Variants in SUGCT observed in about 807,000 individuals in gnomAD.
The protein encoded by SUGCT is succinyl-CoA:glutarate CoA-transferase.
Under a neutral mutation model 55.0 loss-of-function variants are expected in SUGCT, and 41 were observed. The ratio of observed to expected loss-of-function variants is 0.74; its 90% confidence interval spans 0.58 to 0.97. SUGCT has a LOEUF of 0.97. Ranked by LOEUF, SUGCT falls within the 50% of genes least tolerant of loss-of-function variation. The pLI, the probability that SUGCT is intolerant of heterozygous loss-of-function variation, is 0.00. For synonymous variants in SUGCT, 187 were observed against 200.4 expected, an observed-to-expected ratio of 0.93 and a Z score of 0.56; for missense variants, 568 against 547.8, an observed-to-expected ratio of 1.04 and a Z score of -0.37.
chr7:40,908,385 A>AG, the SUGCT span, among the ~76,000 whole-genome samples: 1 of 150,164 alleles, frequency 6.7e-6, no homozygotes, highest in East Asian at 1.9e-4. Context: ...TCTGTCTCAA[A>AG]AAAAAAAAAA....
At chr7:40,496,208 A>AT in intron 11 of SUGCT, 76 bp from the exon 12 acceptor site, 2 of 880,436 alleles carry the variant, frequency 2.3e-6, no homozygotes, top group Non-Finnish European at 3.6e-6. Context: ...CTTGCTTTCA[A>AT]AGAGGGCCAC....
chr7:40,370,232 C>T lies in SUGCT; in HGVS notation c.816+53377C>T, dbSNP rs546112532. ...TCCTCTCAGCTTAATTAGTAAAGAA[C>T]GCCTAGAAAAGATAGGCAAAAAAGA... On this transcript the variant is annotated intron_variant, in intron 9 of 13. Coordinates refer to ENST00000335693, the MANE Select transcript of SUGCT (RefSeq NM_001193313.2). Among the ~76,000 whole-genome samples, 16 of 152,130 alleles carry T rather than the reference C, an allele frequency of 1.1e-4. No individual in the cohort carries two copies. In the South Asian group the frequency reaches 1.5e-3, roughly 14 times the overall value.
rs548757111 is a variant in SUGCT, at chr7:40,657,752, T to A, written c.1090-91682T>A. On this transcript the variant is annotated intron_variant, in intron 12 of 13. Transcript: ENST00000335693. Reference sequence around the variant, plus strand: ...GGTTTCGCCATGTTGGCCACGCTGATCTTGATCTCCTGACCTCGTGATTCA... The same window carrying A: ...GGTTTCGCCATGTTGGCCACGCTGAACTTGATCTCCTGACCTCGTGATTCA... Among the ~76,000 whole-genome samples the A allele has an allele frequency of 2.0e-5, 3 of 152,348 alleles. No homozygotes were observed. The East Asian group carries it at 5.8e-4, about 29-fold the overall frequency.
chr7:40,700,925 C>G (rs1785147175), intron 12 of SUGCT, among the ~76,000 whole-genome samples: 1 of 152,190 alleles, frequency 6.6e-6, no homozygotes, highest in South Asian at 2.1e-4. Flanking sequence ...AACCTCCCCT[C>G]TCTTGTAAGT....
intron 9 of SUGCT, among the ~76,000 whole-genome samples, chr7:40,420,698 T>C (rs768317345): frequency 1.1e-4 from 16 of 152,084 alleles, no homozygotes; most frequent in Non-Finnish European, 2.1e-4. Flanking sequence ...TTCTGGCTCT[T>C]TGTGCTGCTG....
At chr7:40,175,067 G>A (rs1343777956) in intron 1 of SUGCT, among the ~76,000 whole-genome samples, 1 of 152,094 alleles carries the variant, frequency 6.6e-6, no homozygotes, top group Non-Finnish European at 1.5e-5. Context: ...GGTTGCTCAT[G>A]TTCTTTTCCC....
At chr7:40,675,187 A>G (rs1025956965) in intron 12 of SUGCT, among the ~76,000 whole-genome samples, 2 of 151,836 alleles carry the variant, frequency 1.3e-5, no homozygotes, top group African/African-American at 2.4e-5. Context: ...CAGCTCCCCA[A>G]GTAGCTGGGA....
chr7:40,450,145 C>T lies in SUGCT; in HGVS notation c.888+787C>T, dbSNP rs190314280. On this transcript the variant is annotated intron_variant, in intron 10 of 13. Coordinates refer to ENST00000335693, the MANE Select transcript of SUGCT (RefSeq NM_001193313.2). ...GTTTCACTATGCTGGCCAGGGTGGT[C>T]TCGAACTCCTGACCTCAAGCGACCT... 4.7e-3 allele frequency among the ~76,000 whole-genome samples: 713 copies of T among 151,722 alleles called. 3 individuals carry two copies. The highest frequency in any genetic ancestry group is 7.1e-3 in the Non-Finnish European group (483 of 67,932).
At chr7:40,996,983 G>T in the SUGCT span, among the ~76,000 whole-genome samples, 5 of 152,182 alleles carry the variant, frequency 3.3e-5, no homozygotes, top group Non-Finnish European at 7.3e-5. Flanking sequence ...AAGGAGACAG[G>T]CATGATCTTT....
In SUGCT at chr7:40,558,300, T is replaced by G. The variant is rs973870574; in HGVS notation, c.1089+61914T>G. Among the ~76,000 whole-genome samples, 3 of 152,264 alleles carry G rather than the reference T, an allele frequency of 2.0e-5. No homozygotes were observed. The East Asian group carries it at 5.8e-4, about 29-fold the overall frequency. ...TCCCAGAAGAATTGACAGCAGGGAC[T>G]CAGATACTTGTATACCAGTGATCAT... On this transcript the variant is annotated intron_variant, in intron 12 of 13. Transcript: ENST00000335693.
At chr7:40,932,876 C>G in the SUGCT span, among the ~76,000 whole-genome samples, 2 of 151,528 alleles carry the variant, frequency 1.3e-5, no homozygotes, top group Admixed American at 6.6e-5. Context: ...TGGGTTTTGA[C>G]TCTTTATCAA....
At chr7:40,298,217 C>G (rs1428942726) in intron 8 of SUGCT, among the ~76,000 whole-genome samples, 2 of 151,404 alleles carry the variant, frequency 1.3e-5, no homozygotes, top group Non-Finnish European at 2.9e-5. Flanking sequence ...GATCAGTCAC[C>G]ATGCTAAAGT....
chr7:40,901,439 T>C, the SUGCT span, among the ~76,000 whole-genome samples: 18 of 152,224 alleles, frequency 1.2e-4, no homozygotes, highest in Non-Finnish European at 2.9e-5. Flanking sequence ...TTTAATCTTA[T>C]GAGTCTTCAC....
At chr7:40,764,414 T>C (rs971798889) in intron 13 of SUGCT, among the ~76,000 whole-genome samples, 2 of 152,198 alleles carry the variant, frequency 1.3e-5, no homozygotes, top group African/African-American at 4.8e-5. Flanking sequence ...TTTACATTCA[T>C]GGGACACATT....
In SUGCT at chr7:40,822,631, A is replaced by C. The variant is rs1050566615; in HGVS notation, c.1154-37685A>C. On this transcript the variant is annotated intron_variant, in intron 13 of 13. Coordinates refer to ENST00000335693, the MANE Select transcript of SUGCT (RefSeq NM_001193313.2). Reference sequence around the variant, plus strand: ...TATTGTAATAGGAAAGAGAAATTGCATATGTAGGGGAGAAAATGATTGATA... The same window carrying C: ...TATTGTAATAGGAAAGAGAAATTGCCTATGTAGGGGAGAAAATGATTGATA... Among the ~76,000 whole-genome samples the C allele has an allele frequency of 2.0e-5, 3 of 152,258 alleles. 1 individual carries two copies. Among genetic ancestry groups the C allele is most frequent in the Admixed American group, 1.3e-4 (2 of 15,282 alleles).
At chr7:40,697,711 G>A (rs1269907576) in intron 12 of SUGCT, among the ~76,000 whole-genome samples, 1 of 152,138 alleles carries the variant, frequency 6.6e-6, no homozygotes, top group Non-Finnish European at 1.5e-5. Context: ...TTAACTACCT[G>A]GTAACATGCC....
chr7:40,944,064 T>A, the SUGCT span, among the ~76,000 whole-genome samples: 7 of 152,116 alleles, frequency 4.6e-5, no homozygotes, highest in African/African-American at 1.7e-4. Flanking sequence ...GTCTTTTGGC[T>A]GCATAAATGT....
intron 12 of SUGCT, among the ~76,000 whole-genome samples, chr7:40,521,652 G>T (rs964960892): frequency 1.3e-5 from 2 of 151,884 alleles, no homozygotes; most frequent in Non-Finnish European, 2.9e-5. Flanking sequence ...ATATCTCTTC[G>T]TTTTTTTCTC....
At chr7:40,274,430 T>C in intron 7 of SUGCT, 83 bp from the exon 8 acceptor site, 1 of 1,445,476 alleles carries the variant, frequency 6.9e-7, no homozygotes, top group Admixed American at 2.1e-5. Context: ...CTTTTTTCTA[T>C]TTCACATTAG....
Sources: gnomAD v4.1 joint callset for allele counts (sites outside exome capture counted in the v4.1 genomes callset) on GRCh38, gnomAD v4.1.1 for gene constraint, MANE v1.5 for transcripts, NCBI Gene and HGNC (gene_info 2026-07-23, HGNC 2026-07-21) for gene names.